Variants in NPFFR2 observed in about 807,000 individuals in gnomAD.
NPFFR2 encodes G-protein coupled receptor 74.
In NPFFR2, 15 loss-of-function variants were observed where a neutral mutation model predicts 13.1. The observed-to-expected ratio is 1.15, with a 90% CI of 0.77 to 1.76. The LOEUF is 1.76. NPFFR2 is among the 40% of genes most tolerant of loss of function. The pLI is 0.00. For missense variants in NPFFR2, 572 were observed against 503.5 expected (o/e 1.14, Z -1.30); for synonymous variants, 190 against 175.7 (o/e 1.08, Z -0.65).
chr4:72,139,866 G>C (rs912126966), intron 3 of NPFFR2, among the ~76,000 whole-genome samples: 1 of 152,104 alleles, frequency 6.6e-6, no homozygotes, highest in Non-Finnish European at 1.5e-5. Context: ...TCATTTTCAC[G>C]ATATTGATTC....
intron 1 of NPFFR2, among the ~76,000 whole-genome samples, chr4:72,093,944 T>C (rs1720982077): frequency 6.6e-6 from 1 of 152,126 alleles, no homozygotes; most frequent in South Asian, 2.1e-4. Context: ...TTCTGGTTCC[T>C]TCTCATTTGG....
intron 1 of NPFFR2, among the ~76,000 whole-genome samples, chr4:72,064,134 A>G (rs931381275): frequency 2.6e-5 from 4 of 152,254 alleles, no homozygotes; most frequent in Non-Finnish European, 5.9e-5. Flanking sequence ...TACTGATGGT[A>G]TATTAGTTAT....
chr4:72,044,009 G>A (rs1217690409), intron 1 of NPFFR2, among the ~76,000 whole-genome samples: 1 of 152,136 alleles, frequency 6.6e-6, no homozygotes, highest in South Asian at 2.1e-4. Context: ...AATCACGGGG[G>A]CACTTACTTC....
In NPFFR2 at chr4:72,147,462, A is replaced by G. The variant is rs371971346; in HGVS notation, c.913A>G (p.Asn305Asp). ...MLSDYADLSP[N>D]ELQIINIYIY... ...CTCAGACTACGCTGACCTTTCTCCA[A>G]ATGAACTGCAGATCATCAACATCTA... Residue 305 changes from asparagine (N) to aspartate (D), a missense_variant, in exon 4 of 4, where the codon AAT becomes GAT. Asn to Asp is a conservative substitution (Grantham distance 23). Transcript: ENST00000308744. The G allele has an allele frequency of 4.2e-5, 68 of 1,613,970 alleles. No individual in the cohort carries two copies. The highest frequency in any genetic ancestry group is 5.7e-5 in the Non-Finnish European group (67 of 1,180,020).
At chr4:72,032,301 A>G in intron 1 of NPFFR2, 101 bp downstream of exon 1, 1 of 1,285,692 alleles carries the variant, frequency 7.8e-7, no homozygotes, top group Admixed American at 2.8e-5. Flanking sequence ...GCGATTGTGG[A>G]CCGACACCTT....
chr4:72,103,471 C>T (rs1311177418), intron 1 of NPFFR2, among the ~76,000 whole-genome samples: 1 of 152,044 alleles, frequency 6.6e-6, no homozygotes, highest in African/African-American at 2.4e-5. Flanking sequence ...GCCTCCAGAA[C>T]TCTGAGGGAA....
chr4:72,131,040 T>C lies in NPFFR2; in HGVS notation c.328+2121T>C, dbSNP rs148862985. ...ACTCCTCTCCAACCATAGTCTCCAA[T>C]GCCCAGCTGTTTTTTTTCTCGATGT... On this transcript the variant is annotated intron_variant, in intron 2 of 3. Coordinates refer to ENST00000308744, the MANE Select transcript of NPFFR2 (RefSeq NM_004885.3). 4.6e-3 allele frequency among the ~76,000 whole-genome samples: 693 copies of C among 152,014 alleles called. 4 individuals are homozygous for C. Among genetic ancestry groups the C allele is most frequent in the South Asian group, 0.03 (144 of 4,810 alleles).
chr4:72,036,304 C>T (rs1719036610), intron 1 of NPFFR2, among the ~76,000 whole-genome samples: 1 of 151,980 alleles, frequency 6.6e-6, no homozygotes, highest in Admixed American at 6.6e-5. Flanking sequence ...TATGTAGCAA[C>T]AACAGCTTAT....
intron 3 of NPFFR2, among the ~76,000 whole-genome samples, chr4:72,138,921 C>G (rs1722507586): frequency 6.6e-6 from 1 of 152,172 alleles, no homozygotes; most frequent in Non-Finnish European, 1.5e-5. Flanking sequence ...TCTCCAGCAT[C>G]TGTTGTTTCC....
At chr4:72,062,480 T>G (rs1404137505) in intron 1 of NPFFR2, among the ~76,000 whole-genome samples, 1 of 151,420 alleles carries the variant, frequency 6.6e-6, no homozygotes, top group Admixed American at 6.6e-5. Context: ...AATTTCATAA[T>G]GTTTTAAATT....
chr4:72,046,517 A>G (rs139546280), intron 1 of NPFFR2, among the ~76,000 whole-genome samples: 2 of 152,310 alleles, frequency 1.3e-5, no homozygotes, highest in Non-Finnish European at 2.9e-5. Context: ...ATCCAGACCC[A>G]TGAGCCAAAT....
chr4:72,113,179 A>C (rs955797139), intron 1 of NPFFR2, among the ~76,000 whole-genome samples: 1 of 152,124 alleles, frequency 6.6e-6, no homozygotes, highest in Admixed American at 6.6e-5. Context: ...CATCATTCCA[A>C]GTAGTCATAT....
At chr4:72,134,601 C>G (rs1019208989) in intron 2 of NPFFR2, among the ~76,000 whole-genome samples, 2 of 152,120 alleles carry the variant, frequency 1.3e-5, no homozygotes, top group South Asian at 2.1e-4. Context: ...ATCAATTTCT[C>G]TCTTATAAAA....
intron 3 of NPFFR2, among the ~76,000 whole-genome samples, chr4:72,141,518 C>G (rs1722623104): frequency 6.6e-6 from 1 of 152,144 alleles, no homozygotes; most frequent in African/African-American, 2.4e-5. Context: ...TCATTATTTA[C>G]CCAGTAGTCA....
chr4:72,104,372 G>T (rs1721354237), intron 1 of NPFFR2, among the ~76,000 whole-genome samples: 1 of 152,004 alleles, frequency 6.6e-6, no homozygotes, highest in African/African-American at 2.4e-5. Context: ...ATTTCTTGAA[G>T]CTGCCAGAGC....
chr4:72,147,565 A>G lies in NPFFR2; in HGVS notation c.1016A>G (p.Asn339Ser), dbSNP rs1024038530. The G allele has an allele frequency of 2.0e-5, 32 of 1,614,046 alleles. No individual in the cohort carries two copies. The highest frequency in any genetic ancestry group is 2.7e-5 in the Non-Finnish European group (32 of 1,180,040). ...ATCATTTATGGTTTCTTCAACGAGA[A>G]TTTCCGCCGTGGTTTCCAAGAAGCT... ...NPIIYGFFNE[N>S]FRRGFQEAFQ... The change falls in exon 4 of 4, where the codon AAT becomes AGT. Residue 339 changes from asparagine to serine, a missense_variant. Physicochemically the swap from Asn to Ser is conservative, Grantham distance 46 (BLOSUM62 1). Coordinates refer to ENST00000308744, the MANE Select transcript of NPFFR2 (RefSeq NM_004885.3).
intron 1 of NPFFR2, among the ~76,000 whole-genome samples, chr4:72,043,848 T>C (rs1023312520): frequency 1.3e-5 from 2 of 152,156 alleles, no homozygotes; most frequent in African/African-American, 4.8e-5. Context: ...TGGAAGGGCA[T>C]GATTGTGTTA....
intron 1 of NPFFR2, among the ~76,000 whole-genome samples, chr4:72,092,616 C>G (rs536815320): frequency 6.6e-6 from 1 of 151,892 alleles, no homozygotes; most frequent in South Asian, 2.1e-4. Context: ...TTTAAACTGC[C>G]GTTGCTTTAA....
At chr4:72,051,083 A>G (rs1719558859) in intron 1 of NPFFR2, among the ~76,000 whole-genome samples, 1 of 151,862 alleles carries the variant, frequency 6.6e-6, no homozygotes, top group South Asian at 2.1e-4. Context: ...ACGTGTGCAT[A>G]TGTCTTTATA....
Sources: allele counts gnomAD v4.1 joint callset (sites outside exome capture counted in the v4.1 genomes callset), GRCh38; gene constraint gnomAD v4.1.1; transcripts MANE v1.5; gene names NCBI Gene and HGNC (gene_info 2026-07-23, HGNC 2026-07-21).